SLC25A48: variants seen among roughly 807,000 people sequenced by gnomAD.
The protein encoded by SLC25A48 is solute carrier family 25 member 48, also known as CTC-321K16.1.
Under a neutral mutation model 32.2 loss-of-function variants are expected in SLC25A48, and 29 were observed. The observed-to-expected ratio is 0.90, with a 90% CI of 0.67 to 1.23. SLC25A48 has a LOEUF of 1.23. Ranked by LOEUF, SLC25A48 falls within the 50% of genes most tolerant of loss-of-function variation. SLC25A48 has a pLI of 0.00. For missense variants in SLC25A48, 399 were observed against 422.7 expected, an observed-to-expected ratio of 0.94 and a Z score of 0.49; for synonymous variants, 164 against 172.3, an observed-to-expected ratio of 0.95 and a Z score of 0.38.
intron 1 of SLC25A48, among the ~76,000 whole-genome samples, chr5:135,582,968 A>C (rs1179694128): frequency 1.3e-5 from 2 of 152,110 alleles, no homozygotes; most frequent in African/African-American, 4.8e-5. Context: ...TTTCATATTT[A>C]TTTGGGGGTG....
intron 3 of SLC25A48, among the ~76,000 whole-genome samples, chr5:135,688,059 G>T (rs1431560431): frequency 9.3e-5 from 1 of 10,710 alleles, no homozygotes; most frequent in African/African-American, 3.3e-4. Context: ...CCCAGCAACC[G>T]CCAAGTCTAG....
Position 135,888,263 on chromosome 5 carries a change from T to C in SLC25A48, c.*239T>C, listed in dbSNP as rs1006619218. The C allele has an allele frequency of 3.2e-5, 17 of 526,264 alleles. No individual in the cohort carries two copies. The highest frequency in any genetic ancestry group is 5.1e-4 in the Middle Eastern group (1 of 1,950). 32.6% of individuals were successfully genotyped at this position (526,264 alleles called of 1,614,324 possible). A position where few individuals can be genotyped will look rare whatever the true frequency, so the allele number is the denominator to read the frequency against. ...CAATGCCCACTCTGCTAGGCTGGCA[T>C]CAAAGAGCTTTCCAAGAAATGTTTG... On this transcript the variant is annotated 3_prime_UTR_variant, in exon 8 of 8. Coordinates refer to ENST00000681962, the MANE Select transcript of SLC25A48 (RefSeq NM_001349336.2).
chr5:135,654,792 GAGA>G lies in SLC25A48; in HGVS notation c.-521+19844_-521+19846del, dbSNP rs150893325. 7.3e-3 allele frequency among the ~76,000 whole-genome samples: 1,118 copies of G among 152,340 alleles called. 16 individuals are homozygous for G. Among genetic ancestry groups the G allele is most frequent in the African/African-American group, 0.026 (1,066 of 41,574 alleles). ...TAAGAGCAGAAACTGGGGTTTCCCA[GAGA>G]AGAAGAAAGTCTGCCTGTGGCCTGC... is the stretch of plus-strand genomic sequence containing the variant. On this transcript the variant is annotated intron_variant, in intron 3 of 10. Coordinates refer to the SLC25A48 transcript ENST00000646290.
At chr5:135,878,860 A>T (rs983383273) in intron 6 of SLC25A48, among the ~76,000 whole-genome samples, 2 of 152,192 alleles carry the variant, frequency 1.3e-5, no homozygotes, top group African/African-American at 4.8e-5. Context: ...GATGCATTAA[A>T]GGCCAGCTCC....
chr5:135,768,548 G>T (rs34846758), intron 3 of SLC25A48, among the ~76,000 whole-genome samples: 1 of 151,128 alleles, frequency 6.6e-6, no homozygotes, highest in East Asian at 2.0e-4. Context: ...ATCGCAGGGG[G>T]TATACACCCC....
intron 1 of SLC25A48, among the ~76,000 whole-genome samples, chr5:135,837,606 T>A (rs902327789): frequency 6.6e-6 from 1 of 152,208 alleles, no homozygotes; most frequent in Non-Finnish European, 1.5e-5. Context: ...GGTAATTGAA[T>A]CATGGGTACA....
At chr5:135,783,225 A>G (rs1404710494) in intron 3 of SLC25A48, among the ~76,000 whole-genome samples, 1 of 119,918 alleles carries the variant, frequency 8.3e-6, no homozygotes, top group East Asian at 2.2e-4. Context: ...GGATGATATT[A>G]CTCTCAATAT....
At chr5:135,718,152 T>A (rs572476177) in intron 3 of SLC25A48, among the ~76,000 whole-genome samples, 1 of 152,014 alleles carries the variant, frequency 6.6e-6, no homozygotes, top group South Asian at 2.1e-4. Flanking sequence ...GGACTACAGG[T>A]GCGTACCACC....
chr5:135,806,249 G>C (rs967865848), intron 3 of SLC25A48, among the ~76,000 whole-genome samples: 5 of 151,414 alleles, frequency 3.3e-5, no homozygotes, highest in African/African-American at 1.2e-4. Context: ...ACACCCTGTG[G>C]GTATGTACTC....
At chr5:135,741,510 G>A (rs1398877392) in intron 3 of SLC25A48, among the ~76,000 whole-genome samples, 2 of 152,194 alleles carry the variant, frequency 1.3e-5, no homozygotes, top group Non-Finnish European at 2.9e-5. Context: ...GGCCAAGGCA[G>A]GGGGATGCTT....
intron 3 of SLC25A48, among the ~76,000 whole-genome samples, chr5:135,707,524 G>A (rs944835074): frequency 2.0e-5 from 3 of 151,850 alleles, no homozygotes; most frequent in South Asian, 2.1e-4. Flanking sequence ...CGCCGCCCCC[G>A]CCCTTGGGTC....
intron 1 of SLC25A48, among the ~76,000 whole-genome samples, chr5:135,608,077 T>C (rs1468534411): frequency 1.3e-5 from 2 of 152,212 alleles, no homozygotes; most frequent in African/African-American, 4.8e-5. Flanking sequence ...AGTGAGTCTT[T>C]TGATAAATGG....
At chr5:135,656,281 G>T (rs1753246495) in intron 3 of SLC25A48, among the ~76,000 whole-genome samples, 1 of 152,204 alleles carries the variant, frequency 6.6e-6, no homozygotes, top group South Asian at 2.1e-4. Context: ...ACGGGAAGGT[G>T]TTCTGGTCCC....
At chr5:135,797,053 G>A (rs1018246536) in intron 3 of SLC25A48, among the ~76,000 whole-genome samples, 2 of 151,770 alleles carry the variant, frequency 1.3e-5, no homozygotes, top group African/African-American at 4.8e-5. Context: ...ATCGAGAGGG[G>A]TCTACATCCC....
At chr5:135,764,417 G>A (rs552303944) in intron 3 of SLC25A48, among the ~76,000 whole-genome samples, 13 of 151,686 alleles carry the variant, frequency 8.6e-5, no homozygotes, top group Admixed American at 2.0e-4. Context: ...GATATGGTTC[G>A]TAATATCCAG....
chr5:135,659,806 A>T (rs1026097207), intron 3 of SLC25A48, among the ~76,000 whole-genome samples: 13 of 152,202 alleles, frequency 8.5e-5, no homozygotes, highest in African/African-American at 3.1e-4. Context: ...GAGAGAGAGA[A>T]AGTAAAGGGG....
At chr5:135,727,937 A>G (rs1755126947) in intron 3 of SLC25A48, among the ~76,000 whole-genome samples, 1 of 152,168 alleles carries the variant, frequency 6.6e-6, no homozygotes, top group Admixed American at 6.5e-5. Context: ...GGATTTTGAT[A>G]GAAATTTTGT....
At chr5:135,645,283 C>T (rs1752933039) in intron 3 of SLC25A48, among the ~76,000 whole-genome samples, 1 of 152,134 alleles carries the variant, frequency 6.6e-6, no homozygotes. Flanking sequence ...CTGAGTTTTC[C>T]ATTGTTATTT....
intron 3 of SLC25A48, among the ~76,000 whole-genome samples, chr5:135,658,758 A>G (rs756899257): frequency 2.8e-4 from 43 of 152,332 alleles, no homozygotes; most frequent in Non-Finnish European, 4.6e-4. Context: ...TGCCTTCTGC[A>G]TACCTGCAGG....
Sources: gnomAD v4.1 joint callset for allele counts (sites outside exome capture counted in the v4.1 genomes callset) on GRCh38, gnomAD v4.1.1 for gene constraint, MANE v1.5 for transcripts, NCBI Gene and HGNC (gene_info 2026-07-23, HGNC 2026-07-21) for gene names.